Variants in PDE4D observed in about 807,000 individuals in gnomAD.
PDE4D encodes phosphodiesterase 4D.
A neutral mutation model predicts 87.4 loss-of-function variants in PDE4D; 24 were observed. The observed-to-expected ratio is 0.27, with a 90% confidence interval of 0.20 to 0.39. The LOEUF (loss-of-function observed/expected upper bound fraction) is 0.39. Among genes scored for constraint, PDE4D ranks in the 10% least tolerant of loss-of-function variants. PDE4D has a pLI of 1.00. For missense variants in PDE4D, 714 were observed against 1,041.0 expected (o/e 0.69, Z 4.32); for synonymous variants, 384 against 383.2 (o/e 1.00, Z -0.02).
intron 2 of PDE4D, among the ~76,000 whole-genome samples, chr5:60,057,186 A>G (rs1330097545): frequency 6.6e-6 from 1 of 152,086 alleles, no homozygotes; most frequent in African/African-American, 2.4e-5. Flanking sequence ...TTAGATGATG[A>G]AAGTAAAACT....
chr5:60,323,158 C>T (rs1226090601), intron 1 of PDE4D, among the ~76,000 whole-genome samples: 1 of 152,154 alleles, frequency 6.6e-6, no homozygotes, highest in Non-Finnish European at 1.5e-5. Context: ...ATGTCATGTA[C>T]CACCTGTACA....
chr5:60,314,993 T>C (rs1232379100), intron 1 of PDE4D, among the ~76,000 whole-genome samples: 1 of 152,184 alleles, frequency 6.6e-6, no homozygotes. Context: ...ATCCTTTGGG[T>C]ATATACCCAG....
At chr5:59,810,455 A>G (rs953623461) in intron 1 of PDE4D, among the ~76,000 whole-genome samples, 1 of 152,228 alleles carries the variant, frequency 6.6e-6, no homozygotes, top group Non-Finnish European at 1.5e-5. Context: ...CTGCACCGAT[A>G]TTTTAAATGA....
chr5:59,864,769 G>A (rs1054969350), intron 1 of PDE4D, among the ~76,000 whole-genome samples: 2 of 152,136 alleles, frequency 1.3e-5, no homozygotes, highest in Non-Finnish European at 2.9e-5. Flanking sequence ...TTGGGATAAC[G>A]ATTACAGACA....
intron 1 of PDE4D, among the ~76,000 whole-genome samples, chr5:59,280,387 G>C (rs1308526469): frequency 1.3e-5 from 2 of 152,038 alleles, no homozygotes; most frequent in Non-Finnish European, 2.9e-5. Context: ...TTTGTGCATG[G>C]AGTCAGTAAT....
At chr5:60,299,042 T>G (rs539911943) in intron 1 of PDE4D, among the ~76,000 whole-genome samples, 70 of 152,340 alleles carry the variant, frequency 4.6e-4, no homozygotes, top group African/African-American at 1.5e-3. Flanking sequence ...TACTGGATTG[T>G]GTCTTCATTC....
At chr5:59,771,458 A>AGAGAG (rs1491473983) in intron 1 of PDE4D, among the ~76,000 whole-genome samples, 208 of 78,744 alleles carry the variant, frequency 2.6e-3, no homozygotes, top group African/African-American at 0.012. Context: ...AGAAAGAAAG[A>AGAGAG]AAGAAAGAAA....
chr5:59,652,294 C>T (rs1254023735), intron 1 of PDE4D, among the ~76,000 whole-genome samples: 1 of 152,194 alleles, frequency 6.6e-6, no homozygotes, highest in Non-Finnish European at 1.5e-5. Flanking sequence ...TGTGGCCATT[C>T]ATTCCTTAAA....
chr5:60,006,313 C>T (rs1764473527), intron 2 of PDE4D, among the ~76,000 whole-genome samples: 1 of 151,846 alleles, frequency 6.6e-6, no homozygotes, highest in South Asian at 2.1e-4. Context: ...CAACCAATTA[C>T]TATTCTCTGT....
chr5:60,004,701 C>T (rs923733017), intron 2 of PDE4D, among the ~76,000 whole-genome samples: 6 of 152,122 alleles, frequency 3.9e-5, no homozygotes, highest in Non-Finnish European at 8.8e-5. Context: ...ATACAAATGG[C>T]CAAAAGGTAT....
intron 2 of PDE4D, among the ~76,000 whole-genome samples, chr5:59,996,996 A>G (rs984363369): frequency 6.6e-6 from 1 of 152,144 alleles, no homozygotes; most frequent in Non-Finnish European, 1.5e-5. Context: ...AAACTTCCAA[A>G]AAGTTTCCAA....
At chr5:59,797,446 T>C (rs1766620239) in intron 1 of PDE4D, among the ~76,000 whole-genome samples, 1 of 152,246 alleles carries the variant, frequency 6.6e-6, no homozygotes, top group Non-Finnish European at 1.5e-5. Context: ...TATTTTGTTC[T>C]GCTGGAGCCA....
intron 1 of PDE4D, among the ~76,000 whole-genome samples, chr5:59,243,885 G>GTAAT (rs148607818): frequency 2.4e-4 from 36 of 152,118 alleles, no homozygotes; most frequent in African/African-American, 7.2e-4. Context: ...TTTTGCCAAA[G>GTAAT]TAATTAACCA....
intron 1 of PDE4D, among the ~76,000 whole-genome samples, chr5:59,528,592 GA>G (rs371252809): frequency 2.7e-4 from 40 of 147,468 alleles, no homozygotes; most frequent in African/African-American, 8.7e-4. Context: ...ATGAGGCAAA[GA>G]AAAAAAAAAG....
chr5:60,460,608 T>C (rs1219505220), intron 1 of PDE4D: 25 of 1,253,884 alleles, frequency 2.0e-5, no homozygotes, highest in Non-Finnish European at 2.7e-5. Flanking sequence ...TGCATTCAAT[T>C]GCTTCTTGCT....
chr5:60,144,875 T>G (rs894714454), intron 2 of PDE4D, among the ~76,000 whole-genome samples: 2 of 152,182 alleles, frequency 1.3e-5, no homozygotes. Flanking sequence ...TTAACTAATA[T>G]AGATCACTCT....
chr5:60,490,307 A>G (rs1360602640), upstream of PDE4D: 1 of 152,148 alleles, frequency 6.6e-6, no homozygotes, highest in East Asian at 1.9e-4. Flanking sequence ...CTGGGGATTG[A>G]AATCTTTAGT....
At chr5:59,054,299 G>T (rs1056155065) in intron 5 of PDE4D, among the ~76,000 whole-genome samples, 1 of 151,894 alleles carries the variant, frequency 6.6e-6, no homozygotes, top group African/African-American at 2.4e-5. Context: ...ATGAAGCAGT[G>T]GCTTACAAAG....
At chr5:59,487,845 G>C (rs779023051) in intron 1 of PDE4D, among the ~76,000 whole-genome samples, 3 of 152,112 alleles carry the variant, frequency 2.0e-5, no homozygotes, top group Non-Finnish European at 4.4e-5. Context: ...GTGAGATCCC[G>C]CATGTAACAA....
Sources: gnomAD v4.1 joint callset for allele counts (sites outside exome capture counted in the v4.1 genomes callset) on GRCh38, gnomAD v4.1.1 for gene constraint, MANE v1.5 for transcripts, NCBI Gene and HGNC (gene_info 2026-07-23, HGNC 2026-07-21) for gene names.